Variants in UBTF observed in about 807,000 individuals in gnomAD.
The protein encoded by UBTF is nucleolar transcription factor 1.
UBTF carries 8 observed loss-of-function variants against 112.3 expected under a neutral mutation model. The ratio of observed to expected loss-of-function variants is 0.07; its 90% CI spans 0.04 to 0.13. The LOEUF is 0.13. UBTF is among the 10% of genes least tolerant of loss of function. The pLI is 1.00. For synonymous variants in UBTF, 417 were observed against 373.1 expected, an observed-to-expected ratio of 1.12 and a Z score of -1.36; for missense variants, 457 against 982.1, an observed-to-expected ratio of 0.47 and a Z score of 7.15.
In UBTF at chr17:44,211,168, G is replaced by A. The variant is rs199568031; in HGVS notation, c.1090-16C>T. 1.0e-4 allele frequency: 163 copies of A among 1,613,012 alleles called. No individual in the cohort carries two copies. In the Middle Eastern group the frequency reaches 1.2e-3, roughly 11 times the overall value. ...CAGGCAGGCTCTGGACAGGAAAGAGGAGCACGGGGCTGCATGCCTGGCACC... is the reference window on the plus strand; with the variant it reads ...CAGGCAGGCTCTGGACAGGAAAGAGAAGCACGGGGCTGCATGCCTGGCACC... On this transcript the variant is annotated splice_polypyrimidine_tract_variant and intron_variant, in intron 11 of 20. Coordinates refer to ENST00000436088, the MANE Select transcript of UBTF (RefSeq NM_014233.4). The surrounding 1 kb of genome is among the most constrained non-coding windows in gnomAD (Gnocchi z 4.9).
intron 13 of UBTF, 102 bp downstream of exon 13, chr17:44,210,690 C>T (rs1211201277): frequency 6.7e-7 from 1 of 1,486,382 alleles, no homozygotes; most frequent in Non-Finnish European, 9.0e-7. Flanking sequence ...CCAGGCACCG[C>T]GTGGCTCAGG....
intron 13 of UBTF, 24 bp downstream of exon 13, chr17:44,210,768 C>G: frequency 6.4e-7 from 1 of 1,554,190 alleles, no homozygotes; most frequent in Non-Finnish European, 8.7e-7. Flanking sequence ...CCTGGGGGCA[C>G]AGCGCTCCGC....
intron 8 of UBTF, 61 bp downstream of exon 8, chr17:44,212,283 G>A (rs959309235): frequency 7.0e-6 from 10 of 1,434,454 alleles, no homozygotes; most frequent in South Asian, 1.2e-5. Context: ...CGGTGGCCAC[G>A]GAGTCGGAGG....
rs944538817 is a variant in UBTF, at chr17:44,206,885, G to A, written c.*357C>T. 7.9e-6 allele frequency: 3 copies of A among 378,662 alleles called. No individual in the cohort carries two copies. Among genetic ancestry groups the A allele is most frequent in the African/African-American group, 6.2e-5 (3 of 48,056 alleles). 23.5% of individuals were successfully genotyped at this position (378,662 alleles called of 1,614,324 possible). On this transcript the variant is annotated 3_prime_UTR_variant, in exon 21 of 21. Coordinates refer to ENST00000436088, the MANE Select transcript of UBTF (RefSeq NM_014233.4). ...CCTTGGATTGGGCCGCAGGTGTGGA[G>A]GGCCTCATCAAACTCTTTGGGACCC...
Position 44,210,939 on chromosome 17 carries a change from G to C in UBTF, c.1212C>G (p.Ser404=), listed in dbSNP as rs200421180. 4 of 1,606,834 alleles carry C rather than the reference G, an allele frequency of 2.5e-6. No homozygotes were observed. Among genetic ancestry groups the C allele is most frequent in the Admixed American group, 3.3e-5 (2 of 59,844 alleles). The change falls in exon 13 of 21, where the codon TCC becomes TCG. Residue 404 remains serine (S), a synonymous_variant. Coordinates refer to ENST00000436088, the MANE Select transcript of UBTF (RefSeq NM_014233.4). Reference sequence around the variant, plus strand: ...CCGACACGGGCCGCTTGGGCTTCTCGGAGCCGCCCTGTCCAGGTGCAGAGG... The same window carrying C: ...CCGACACGGGCCGCTTGGGCTTCTCCGAGCCGCCCTGTCCAGGTGCAGAGG... ...KPAQEGGKGG[S]EKPKRPVSAM...
At chr17:44,214,070 T>C (rs957539790) in intron 5 of UBTF, among the ~76,000 whole-genome samples, 10 of 152,182 alleles carry the variant, frequency 6.6e-5, no homozygotes, top group Non-Finnish European at 1.3e-4. Context: ...AATGTGTCTC[T>C]TTCTCTTCCT....
intron 7 of UBTF, 108 bp downstream of exon 7, chr17:44,212,711 A>G (rs895162000): frequency 7.1e-6 from 11 of 1,544,600 alleles, no homozygotes; most frequent in South Asian, 1.2e-5. Flanking sequence ...ACCCCTGGGG[A>G]GGGGCCTCCT....
intron 1 of UBTF, 82 bp from the exon 2 acceptor site, chr17:44,218,378 G>C (rs779439156): frequency 3.9e-6 from 3 of 764,174 alleles, no homozygotes; most frequent in African/African-American, 3.5e-5. Flanking sequence ...GAGTAGAAGG[G>C]GGCAGGTCCA....
chr17:44,220,852 C>G (rs1483156928), upstream of UBTF: 1 of 152,192 alleles, frequency 6.6e-6, no homozygotes, highest in Non-Finnish European at 1.5e-5. Context: ...CCAGACAAAG[C>G]CCGAGATGGC....
chr17:44,211,439 GCTGGACTCC>G lies in UBTF; in HGVS notation c.1048-117_1048-109del. ...GCGGGCCTCCAGAGCCTGGGTGTGG[GCTGGACTCC>G]CTGCCTGGACGGGCTCAGTTGCTAA... On this transcript the variant is annotated intron_variant, in intron 10 of 20. Transcript: ENST00000436088. This position sits in a 1 kb window ranked among gnomAD's most constrained non-coding sequence, Gnocchi z 4.9. 1 of 1,569,574 alleles carries G rather than the reference GCTGGACTCC, an allele frequency of 6.4e-7. No homozygotes were observed. Among genetic ancestry groups the G allele is most frequent in the South Asian group, 1.1e-5 (1 of 89,426 alleles).
rs746466945 is a variant in UBTF, at chr17:44,218,153, C to T, written c.58+19G>A. 3.7e-6 allele frequency: 6 copies of T among 1,611,218 alleles called. No individual in the cohort carries two copies. In the South Asian group the frequency reaches 5.5e-5, roughly 15 times the overall value. The stretch of plus-strand genomic sequence containing the variant: ...AAAGAGGGTTTAAGTTTCAGAGGGC[C>T]GGGGGTGGATGCCCCTACCTTGGCC... On this transcript the variant is annotated intron_variant, in intron 2 of 20. Transcript: ENST00000436088.
chr17:44,220,587 A>ATT (rs1160916044), upstream of UBTF, among the ~76,000 whole-genome samples: 1 of 151,364 alleles, frequency 6.6e-6, no homozygotes, highest in Non-Finnish European at 1.5e-5. Flanking sequence ...ACGGCAAGGG[A>ATT]ACGACGGGCT....
chr17:44,215,593 C>T, intron 5 of UBTF, 61 bp downstream of exon 5: 1 of 1,599,568 alleles, frequency 6.3e-7, no homozygotes, highest in East Asian at 2.2e-5. Context: ...CCAACTGACC[C>T]ACACCACACC....
rs578076072 is a variant in UBTF, at chr17:44,212,668, C to A, written c.660+151G>T. ...GCACGCACACACGCACACGCTTGCA[C>A]GCCAGCTGGCCCGGGCCCTGTCCAT... On this transcript the variant is annotated intron_variant, in intron 7 of 20. Coordinates refer to ENST00000436088, the MANE Select transcript of UBTF (RefSeq NM_014233.4). The A allele has an allele frequency of 1.1e-5, 15 of 1,394,280 alleles. No individual in the cohort carries two copies. The African/African-American group carries it at 1.4e-4, about 13-fold the overall frequency. The allele number at this position is 1,394,280 out of a possible 1,614,324, so 86.4% of individuals were successfully genotyped here. A position where few individuals can be genotyped will look rare whatever the true frequency, so the allele number is the denominator to read the frequency against.
chr17:44,216,482 G>A, intron 3 of UBTF, 47 bp downstream of exon 3: 7 of 1,600,924 alleles, frequency 4.4e-6, no homozygotes, highest in East Asian at 4.5e-5. Flanking sequence ...CCCCCACCAC[G>A]CTGAGTGGGG....
At position 44,210,834 on chromosome 17, in the gene UBTF, G is replaced by A. The variant is rs1409633470; in HGVS notation, c.1317C>T (p.Arg439=). ...RPELSESELT[R]LLARMWNDLS... is the part of the protein sequence containing the mutation. ...GGTCGTTCCACATTCGGGCCAGCAG[G>A]CGGGTCAGCTCGCTCTCGGAGAGCT... Residue 439 remains arginine, a synonymous_variant, in exon 13 of 21, where the codon CGC becomes CGT. Transcript: ENST00000436088. 7.6e-6 allele frequency: 12 copies of A among 1,569,124 alleles called. No homozygotes were observed. The African/African-American group carries it at 1.4e-4, about 18-fold the overall frequency.
chr17:44,216,015 G>A (rs76052008), intron 3 of UBTF, 26 bp from the exon 4 acceptor site: 14 of 1,591,256 alleles, frequency 8.8e-6, no homozygotes, highest in Non-Finnish European at 1.2e-5. Flanking sequence ...TGGGAGGAAG[G>A]GGAAGTTGGG....
At chr17:44,216,463 G>A (rs1451555008) in intron 3 of UBTF, 66 bp downstream of exon 3, 2 of 1,576,092 alleles carry the variant, frequency 1.3e-6, no homozygotes, top group Non-Finnish European at 1.7e-6. Context: ...TTTACAGCCT[G>A]TTTCACTTCC....
At position 44,207,099 on chromosome 17, in the gene UBTF, TA is replaced by T; in HGVS notation, c.*142del. The T allele has an allele frequency of 1.1e-6, 1 of 928,222 alleles. No homozygotes were observed. Among genetic ancestry groups the T allele is most frequent in the East Asian group, 2.6e-5 (1 of 37,962 alleles). 57.5% of individuals were successfully genotyped at this position (928,222 alleles called of 1,614,324 possible). On this transcript the variant is annotated 3_prime_UTR_variant, in exon 21 of 21. Transcript: ENST00000436088. Reference sequence around the variant, plus strand: ...CTCCTCCAGCCCCCTACCCCCACCGTATTTTTTTTTTTTTTTAAAGAAAGAA... The same window carrying T: ...CTCCTCCAGCCCCCTACCCCCACCGTTTTTTTTTTTTTTTTAAAGAAAGAA...
Sources: gnomAD v4.1 joint callset for allele counts (sites outside exome capture counted in the v4.1 genomes callset) on GRCh38, gnomAD v4.1.1 for gene constraint, Gnocchi (gnomAD v3.1) non-coding constraint, MANE v1.5 for transcripts, NCBI Gene and HGNC (gene_info 2026-07-23, HGNC 2026-07-21) for gene names.